HSPA4: variants seen among roughly 807,000 people sequenced by gnomAD.
HSPA4 encodes the protein heat shock 70 kDa protein 4.
Under a neutral mutation model 106.2 loss-of-function variants are expected in HSPA4, and 25 were observed. The observed-to-expected ratio is 0.24, with a 90% CI of 0.17 to 0.33. HSPA4 has a LOEUF of 0.33. HSPA4 is among the 10% of genes least tolerant of loss of function. The pLI, the probability that HSPA4 is intolerant of heterozygous loss-of-function variation, is 1.00. For missense variants in HSPA4, 841 were observed against 996.0 expected (o/e 0.84, Z 2.10); for synonymous variants, 332 against 333.6 (o/e 1.00, Z 0.05).
intron 3 of HSPA4, among the ~76,000 whole-genome samples, chr5:133,069,972 C>T (rs1765360302): frequency 1.3e-5 from 2 of 152,006 alleles, no homozygotes; most frequent in South Asian, 4.2e-4. Context: ...TTGAGACCAG[C>T]ATCGGCAACA....
intron 12 of HSPA4, among the ~76,000 whole-genome samples, chr5:133,092,351 G>T (rs759895337): frequency 6.6e-6 from 1 of 152,216 alleles, no homozygotes; most frequent in African/African-American, 2.4e-5. Context: ...CTTTGAGGAA[G>T]CCTGGAGAAG....
intron 6 of HSPA4, among the ~76,000 whole-genome samples, chr5:133,074,342 G>A (rs897050305): frequency 2.1e-4 from 32 of 150,658 alleles, no homozygotes; most frequent in Non-Finnish European, 3.8e-4. Context: ...GCAATGGCGC[G>A]ATCTTGGCTC....
Position 133,092,806 on chromosome 5 carries a change from G to GTTTTTTTTTTTTTTTTTTT in HSPA4, c.1650+31_1650+49dup. On this transcript the variant is annotated intron_variant, in intron 13 of 18. Coordinates refer to ENST00000304858, the MANE Select transcript of HSPA4 (RefSeq NM_002154.4). ...GAAATGGAGGTATGCATTGGGTGGT[G>GTTTTTTTTTTTTTTTTTTT]TTTTTTTTTTTTTTTTTTTTTTTTT... The GTTTTTTTTTTTTTTTTTTT allele has an allele frequency of 2.1e-6, 1 of 467,634 alleles. No homozygotes were observed. The allele number at this position is 467,634 out of a possible 1,614,324, so 29.0% of individuals were successfully genotyped here.
chr5:133,101,865 C>A lies in HSPA4; in HGVS notation c.2144C>A (p.Ser715Tyr). 2 of 1,561,850 alleles carry A rather than the reference C, an allele frequency of 1.3e-6. No homozygotes were observed. Among genetic ancestry groups the A allele is most frequent in the South Asian group, 2.4e-5 (2 of 84,368 alleles). Reference sequence around the variant, plus strand: ...CAACAGTATATGAAAATAATCAGCTCTTTCAAAAACAAGGTAACTTTTTTC... The same window carrying A: ...CAACAGTATATGAAAATAATCAGCTATTTCAAAAACAAGGTAACTTTTTTC... ...QIQQYMKIIS[S>Y]FKNKEDQYDH... Residue 715 changes from serine to tyrosine, a missense_variant, in exon 17 of 19, where the codon TCT becomes TAT. Ser to Tyr is a moderately radical substitution (Grantham distance 144, BLOSUM62 -2). This residue lies in a region of HSPA4 where 328 missense variants were observed against 372.2 expected (regional missense o/e 0.88). Coordinates refer to ENST00000304858, the MANE Select transcript of HSPA4 (RefSeq NM_002154.4).
chr5:133,073,649 G>C lies in HSPA4; in HGVS notation c.529+320G>C, dbSNP rs543743674. ...GTGGACTGGTAGAGTCAGAGGAATG[G>C]GACATTAAGCAGCATCTCATGGACA... On this transcript the variant is annotated intron_variant, in intron 5 of 18. Coordinates refer to ENST00000304858, the MANE Select transcript of HSPA4 (RefSeq NM_002154.4). 1.1e-4 allele frequency among the ~76,000 whole-genome samples: 16 copies of C among 152,304 alleles called. No homozygotes were observed. In the East Asian group the frequency reaches 3.1e-3, roughly 29 times the overall value.
Position 133,091,261 on chromosome 5 carries a change from C to T in HSPA4, c.1447C>T (p.Arg483Ter). Residue 483 changes from arginine (R) to a stop codon, truncating the protein, a stop_gained, in exon 12 of 19, where the codon CGA becomes TGA. Coordinates refer to ENST00000304858, the MANE Select transcript of HSPA4 (RefSeq NM_002154.4). LOFTEE classifies it high-confidence loss of function. ...CAGTTCAAAAGTGAAAGTCAAAGTT[C>T]GAGTAAATGTCCATGGCATTTTCAG... Reference protein sequence around the residue: ...GSSSKVKVKVRVNVHGIFSVS... With the variant: ...GSSSKVKVKV 1.9e-6 allele frequency: 3 copies of T among 1,613,810 alleles called. No individual in the cohort carries two copies. Among genetic ancestry groups the T allele is most frequent in the Non-Finnish European group, 1.7e-6 (2 of 1,179,800 alleles).
intron 16 of HSPA4, among the ~76,000 whole-genome samples, 179 bp downstream of exon 16, chr5:133,099,831 A>G (rs1765763056): frequency 6.6e-6 from 1 of 152,208 alleles, no homozygotes; most frequent in Admixed American, 6.5e-5. Context: ...TTGTAATAAC[A>G]AAATGATTTT....
At chr5:133,053,378 G>T (rs1188181754) in intron 1 of HSPA4, among the ~76,000 whole-genome samples, 6 of 143,842 alleles carry the variant, frequency 4.2e-5, no homozygotes, top group Non-Finnish European at 9.0e-5. Flanking sequence ...TCTCACTCTG[G>T]CTGCCCAGGC....
At chr5:133,071,296 A>G (rs1359908263) in intron 4 of HSPA4, among the ~76,000 whole-genome samples, 4 of 151,118 alleles carry the variant, frequency 2.6e-5, no homozygotes, top group African/African-American at 9.7e-5. Flanking sequence ...AAAAAAAAAA[A>G]AAAAAAAAAA....
intron 1 of HSPA4, among the ~76,000 whole-genome samples, chr5:133,063,428 C>A (rs1041517156): frequency 1.3e-5 from 2 of 151,592 alleles, no homozygotes; most frequent in African/African-American, 4.8e-5. Context: ...CAAATTTACT[C>A]TTTTTTTTGT....
Position 133,088,429 on chromosome 5 carries a change from A to G in HSPA4, c.1011A>G (p.Ala337=). The G allele has an allele frequency of 6.2e-7, 1 of 1,611,130 alleles. No individual in the cohort carries two copies. Among genetic ancestry groups the G allele is most frequent in the East Asian group, 2.2e-5 (1 of 44,870 alleles). The part of the protein sequence containing the change: ...QTKLKKEDIY[A]VEIVGGATRI... ...AGTTAAAGAAAGAAGATATTTATGC[A>G]GTGGAGATAGTTGGTGGTGCTACAC... The change falls in exon 9 of 19, where the codon GCA becomes GCG. Residue 337 remains alanine (A), a synonymous_variant. Transcript: ENST00000304858.
rs747228289 is a variant in HSPA4 at position 133,103,966 on chromosome 5, C to G, written c.2259C>G (p.Asn753Lys). The G allele has an allele frequency of 6.2e-7, 1 of 1,613,586 alleles. No individual in the cohort carries two copies. The highest frequency in any genetic ancestry group is 1.3e-5 in the African/African-American group (1 of 74,858). Reference sequence around the variant, plus strand: ...TGAATAACAAGCTAAATCTGCAGAACAAGCAGAGTTTGACCATGGATCCAG... The same window carrying G: ...TGAATAACAAGCTAAATCTGCAGAAGAAGCAGAGTTTGACCATGGATCCAG... ...EWMNNKLNLQ[N>K]KQSLTMDPVV... The change falls in exon 18 of 19, where the codon AAC becomes AAG. Residue 753 changes from asparagine (N) to lysine (K), a missense_variant. By Grantham distance (94) the Asn-to-Lys change is moderately conservative. This residue lies in a region of HSPA4 where 328 missense variants were observed against 372.2 expected (regional missense o/e 0.88). Transcript: ENST00000304858.
intron 5 of HSPA4, among the ~76,000 whole-genome samples, chr5:133,073,686 G>T (rs1241520449): frequency 1.3e-5 from 2 of 152,184 alleles, no homozygotes; most frequent in African/African-American, 4.8e-5. Context: ...AACATGCGGG[G>T]ATGTTAACAT....
At chr5:133,103,617 A>G (rs182424251) in intron 17 of HSPA4, among the ~76,000 whole-genome samples, 2 of 152,266 alleles carry the variant, frequency 1.3e-5, no homozygotes, top group African/African-American at 2.4e-5. Flanking sequence ...GCTGCTGTTT[A>G]TCTTGTTGAA....
chr5:133,073,933 C>A, intron 5 of HSPA4, 60 bp from the exon 6 acceptor site: 2 of 1,262,736 alleles, frequency 1.6e-6, no homozygotes, highest in South Asian at 1.6e-5. Flanking sequence ...TTTTTTCCTG[C>A]TTAAATGAAT....
chr5:133,058,813 C>T (rs546225755), intron 1 of HSPA4, among the ~76,000 whole-genome samples: 18 of 150,642 alleles, frequency 1.2e-4, no homozygotes, highest in African/African-American at 3.9e-4. Flanking sequence ...GACAACATGG[C>T]GAAACCCCAT....
At chr5:133,054,362 C>T (rs1285733349) in intron 1 of HSPA4, among the ~76,000 whole-genome samples, 1 of 152,082 alleles carries the variant, frequency 6.6e-6, no homozygotes, top group South Asian at 2.1e-4. Flanking sequence ...GCCACCACGC[C>T]TGGCTAATTT....
intron 1 of HSPA4, among the ~76,000 whole-genome samples, chr5:133,053,388 C>G (rs1765109320): frequency 6.9e-6 from 1 of 145,202 alleles, no homozygotes; most frequent in Non-Finnish European, 1.5e-5. Flanking sequence ...GCTGCCCAGG[C>G]TGGAGTGCAG....
intron 10 of HSPA4, 50 bp downstream of exon 10, chr5:133,089,211 G>A (rs536807718): frequency 2.0e-6 from 2 of 1,017,544 alleles, no homozygotes; most frequent in Admixed American, 2.3e-5. Flanking sequence ...TGACTATTAG[G>A]TCTGAGTAAT....
Sources: gnomAD v4.1 joint callset for allele counts (sites outside exome capture counted in the v4.1 genomes callset) on GRCh38, gnomAD v4.1.1 for gene constraint, gnomAD v4.1.1 regional missense constraint, MANE v1.5 for transcripts, NCBI Gene and HGNC (gene_info 2026-07-23, HGNC 2026-07-21) for gene names.